SDK1: variants seen among roughly 807,000 people sequenced by gnomAD.
SDK1 encodes sidekick cell adhesion molecule 1, also known as protein sidekick-1.
SDK1 carries 157 observed loss-of-function variants against 245.5 expected under a neutral mutation model. The ratio of observed to expected loss-of-function variants is 0.64; its 90% CI spans 0.56 to 0.73. The LOEUF (loss-of-function observed/expected upper bound fraction) is 0.73. Ranked by LOEUF, SDK1 falls within the 30% of genes least tolerant of loss-of-function variation. The pLI is 0.00. For missense variants in SDK1, 3,583 were observed against 3,002.3 expected (o/e 1.19, Z -4.52); for synonymous variants, 1,647 against 1,278.5 (o/e 1.29, Z -6.15).
At chr7:3,724,472 G>T (rs183603817) in intron 4 of SDK1, among the ~76,000 whole-genome samples, 2 of 152,204 alleles carry the variant, frequency 1.3e-5, no homozygotes, top group East Asian at 3.9e-4. Flanking sequence ...TATTATGTCT[G>T]AGCAGTATTT....
chr7:3,621,737 C>G (rs1029008830), intron 2 of SDK1, among the ~76,000 whole-genome samples: 1 of 152,176 alleles, frequency 6.6e-6, no homozygotes, highest in Non-Finnish European at 1.5e-5. Context: ...CTGTGGAACT[C>G]TCTCTGGGGG....
At chr7:4,169,538 G>A (rs1472410097) in intron 32 of SDK1, among the ~76,000 whole-genome samples, 1 of 152,182 alleles carries the variant, frequency 6.6e-6, no homozygotes, top group Non-Finnish European at 1.5e-5. Context: ...AGTTCTTCCT[G>A]GCAGTGAGCT....
At chr7:3,954,220 GCCCCTCTACGCCCTCCACCCT>G (rs1488181169) in intron 7 of SDK1, among the ~76,000 whole-genome samples, 29 of 149,704 alleles carry the variant, frequency 1.9e-4, no homozygotes, top group African/African-American at 7.2e-4. Context: ...CTGTGGAGCA[GCCCCTCTACGCCCTCCACCCT>G]CCCCTCCTGC....
chr7:3,414,533 G>T (rs530200782), intron 1 of SDK1, among the ~76,000 whole-genome samples: 1 of 152,270 alleles, frequency 6.6e-6, no homozygotes, highest in Non-Finnish European at 1.5e-5. Context: ...CACAAAAAAT[G>T]AAGTTGGCAA....
intron 1 of SDK1, among the ~76,000 whole-genome samples, chr7:3,600,448 C>T (rs1226100161): frequency 6.6e-6 from 1 of 151,444 alleles, no homozygotes; most frequent in African/African-American, 2.4e-5. Context: ...CCTTCCTATA[C>T]TATGTTGAAT....
intron 1 of SDK1, among the ~76,000 whole-genome samples, chr7:3,396,615 T>C (rs2128571919): frequency 6.6e-6 from 1 of 151,950 alleles, no homozygotes; most frequent in Non-Finnish European, 1.5e-5. Flanking sequence ...AATTTCCTTT[T>C]CTTTCTAGTA....
intron 4 of SDK1, among the ~76,000 whole-genome samples, chr7:3,753,207 A>T (rs1422271259): frequency 6.6e-6 from 1 of 152,208 alleles, no homozygotes; most frequent in East Asian, 1.9e-4. Flanking sequence ...CTGTTTTTCA[A>T]CCTGAATGTA....
At chr7:3,357,245 T>C (rs1407247662) in intron 1 of SDK1, among the ~76,000 whole-genome samples, 3 of 151,358 alleles carry the variant, frequency 2.0e-5, no homozygotes, top group East Asian at 3.9e-4. Context: ...CTGTTGTTGA[T>C]GTATATGTGC....
intron 1 of SDK1, among the ~76,000 whole-genome samples, chr7:3,486,965 G>A (rs1472264785): frequency 4.6e-5 from 7 of 152,104 alleles, no homozygotes; most frequent in Non-Finnish European, 1.0e-4. Context: ...TGCTAAGATT[G>A]TATTAGCTAT....
intron 22 of SDK1, among the ~76,000 whole-genome samples, chr7:4,105,914 G>A (rs1435722440): frequency 6.6e-6 from 1 of 152,208 alleles, no homozygotes; most frequent in Non-Finnish European, 1.5e-5. Context: ...AACCGCGGCT[G>A]CAGGAGGAAG....
At chr7:3,832,834 CA>C (rs559625902) in intron 5 of SDK1, among the ~76,000 whole-genome samples, 366 of 152,116 alleles carry the variant, frequency 2.4e-3, no homozygotes, top group African/African-American at 8.4e-3. Context: ...CTGTTTAGCA[CA>C]AAATTAGTTC....
chr7:3,719,758 C>A (rs1785309783), intron 4 of SDK1, among the ~76,000 whole-genome samples: 1 of 151,930 alleles, frequency 6.6e-6, no homozygotes, highest in East Asian at 1.9e-4. Context: ...GTGGGTGGAT[C>A]ATGAGGTGAA....
intron 1 of SDK1, among the ~76,000 whole-genome samples, chr7:3,377,186 C>A (rs1015483814): frequency 1.3e-5 from 2 of 152,118 alleles, no homozygotes; most frequent in Admixed American, 1.3e-4. Flanking sequence ...TAAAAACTTG[C>A]CTTAGACACG....
intron 14 of SDK1, among the ~76,000 whole-genome samples, chr7:3,998,860 T>C (rs529198488): frequency 1.2e-4 from 18 of 152,298 alleles, no homozygotes; most frequent in African/African-American, 4.3e-4. Context: ...TGGGTGAATG[T>C]GGGAGCTTCC....
At chr7:3,733,434 G>T (rs1779234670) in intron 4 of SDK1, among the ~76,000 whole-genome samples, 1 of 152,168 alleles carries the variant, frequency 6.6e-6, no homozygotes, top group Admixed American at 6.5e-5. Flanking sequence ...TAATAAGAAT[G>T]CTGTCTTTGC....
At chr7:3,899,781 G>A (rs1238600538) in intron 5 of SDK1, among the ~76,000 whole-genome samples, 4 of 152,242 alleles carry the variant, frequency 2.6e-5, no homozygotes, top group South Asian at 2.1e-4. Flanking sequence ...ATATCTCCAC[G>A]CATCCCTGAA....
intron 1 of SDK1, among the ~76,000 whole-genome samples, chr7:3,598,379 T>A (rs1230026200): frequency 6.6e-6 from 1 of 152,252 alleles, no homozygotes; most frequent in Non-Finnish European, 1.5e-5. Flanking sequence ...GTGTTTGTTC[T>A]AAATTAAGCT....
intron 1 of SDK1, among the ~76,000 whole-genome samples, chr7:3,500,339 A>T (rs188476397): frequency 1.3e-5 from 2 of 152,108 alleles, no homozygotes; most frequent in South Asian, 4.1e-4. Flanking sequence ...TTAAAACGTC[A>T]TGAGAAATGC....
At chr7:4,020,336 G>A (rs1562680960) in intron 17 of SDK1, among the ~76,000 whole-genome samples, 1 of 152,110 alleles carries the variant, frequency 6.6e-6, no homozygotes, top group Non-Finnish European at 1.5e-5. Flanking sequence ...CCTCAGTGTA[G>A]TCAAATGCAC....
Sources: gnomAD v4.1 joint callset for allele counts (sites outside exome capture counted in the v4.1 genomes callset) on GRCh38, gnomAD v4.1.1 for gene constraint, MANE v1.5 for transcripts, NCBI Gene and HGNC (gene_info 2026-07-23, HGNC 2026-07-21) for gene names.